Variants in AGO4 observed in about 807,000 individuals in gnomAD.
AGO4 encodes the protein protein argonaute-4.
In AGO4, 33 loss-of-function variants were observed where a neutral mutation model predicts 104.7. The observed-to-expected ratio is 0.32, with a 90% CI of 0.24 to 0.42. The LOEUF is 0.42. Among genes scored for constraint, AGO4 ranks in the 10% least tolerant of loss-of-function variants. The pLI is 1.00. For synonymous variants in AGO4, 331 were observed against 364.7 expected (o/e 0.91, Z 1.05); for missense variants, 711 against 1,083.4 (o/e 0.66, Z 4.83).
chr1:35,852,081 A>T (rs1360778263), intron 17 of AGO4, among the ~76,000 whole-genome samples: 1 of 152,224 alleles, frequency 6.6e-6, no homozygotes, highest in Admixed American at 6.5e-5. Flanking sequence ...AAGGGACACA[A>T]AGGGGAAAAA....
At position 35,831,941 on chromosome 1, in the gene AGO4, G is replaced by C. The variant is rs200795748; in HGVS notation, c.1116+10G>C. 5.0e-6 allele frequency: 8 copies of C among 1,612,984 alleles called. No homozygotes were observed. The Admixed American group carries it at 1.3e-4, about 27-fold the overall frequency. ...AGAGATCAGTAGACTGGTCAGTAAG[G>C]CATGGTCTTCAAGATGAGCTAGCTT... On this transcript the variant is annotated intron_variant, in intron 9 of 17. Transcript: ENST00000373210.
At chr1:35,818,706 G>GGAAGGAAGGAAAC (rs1643810763) in intron 2 of AGO4, among the ~76,000 whole-genome samples, 7 of 151,546 alleles carry the variant, frequency 4.6e-5, no homozygotes, top group African/African-American at 1.7e-4. Context: ...AGGAAGGAAA[G>GGAAGGAAGGAAAC]AAACAAACAG....
At chr1:35,833,284 A>C (rs1240651712) in intron 11 of AGO4, among the ~76,000 whole-genome samples, 3 of 152,174 alleles carry the variant, frequency 2.0e-5, no homozygotes, top group Non-Finnish European at 2.9e-5. Flanking sequence ...TCTCAAAAAA[A>C]TAAAAATAAA....
intron 1 of AGO4, among the ~76,000 whole-genome samples, chr1:35,813,063 A>T (rs1643561266): frequency 6.6e-6 from 1 of 152,106 alleles, no homozygotes. Context: ...TATCAATTGT[A>T]TTGATAGGTC....
intron 2 of AGO4, among the ~76,000 whole-genome samples, chr1:35,818,703 A>AAGG (rs1453823024): frequency 2.6e-4 from 39 of 151,616 alleles, no homozygotes; most frequent in African/African-American, 9.2e-4. Flanking sequence ...GGAAGGAAGG[A>AAGG]AAGAAACAAA....
At chr1:35,820,825 A>C (rs1453173494) in intron 2 of AGO4, among the ~76,000 whole-genome samples, 1 of 152,206 alleles carries the variant, frequency 6.6e-6, no homozygotes, top group Non-Finnish European at 1.5e-5. Context: ...TGGGACAAGC[A>C]CCATTCTAAA....
chr1:35,828,223 T>C (rs1420313779), intron 7 of AGO4, among the ~76,000 whole-genome samples: 1 of 152,128 alleles, frequency 6.6e-6, no homozygotes, highest in Non-Finnish European at 1.5e-5. Flanking sequence ...GGCACCGTCA[T>C]GGCCCACTGC....
intron 3 of AGO4, among the ~76,000 whole-genome samples, chr1:35,824,790 G>A (rs1643971289): frequency 6.6e-6 from 1 of 152,008 alleles, no homozygotes; most frequent in African/African-American, 2.4e-5. Flanking sequence ...GACAGAGCAG[G>A]ACCCTGTCTC....
intron 7 of AGO4, among the ~76,000 whole-genome samples, chr1:35,827,536 G>T (rs1223969318): frequency 2.0e-5 from 3 of 151,994 alleles, no homozygotes; most frequent in Non-Finnish European, 2.9e-5. Context: ...AAAAAAGAAA[G>T]AAATTGGTTA....
At chr1:35,813,307 G>A (rs553725682) in intron 1 of AGO4, among the ~76,000 whole-genome samples, 125 of 152,132 alleles carry the variant, frequency 8.2e-4, no homozygotes, top group South Asian at 6.2e-4. Flanking sequence ...TGCTGGGGAG[G>A]CTGAGGCAGG....
chr1:35,831,496 T>C lies in AGO4; in HGVS notation c.918T>C (p.Tyr306=), dbSNP rs1644184747. 3 of 1,614,180 alleles carry C rather than the reference T, an allele frequency of 1.9e-6. No individual in the cohort carries two copies. Among genetic ancestry groups the C allele is most frequent in the Admixed American group, 1.7e-5 (1 of 60,014 alleles). The change falls in exon 8 of 18, where the codon TAT becomes TAC. Residue 306 remains tyrosine, a synonymous_variant. Transcript: ENST00000373210. The part of the protein sequence containing the change: ...CTVAQYFKQK[Y]SLQLKYPHLP... ...TAGCTCAATATTTTAAGCAAAAGTA[T>C]AGTCTGCAACTGAAATACCCCCATC... is the stretch of plus-strand genomic sequence containing the variant.
chr1:35,826,645 T>G, intron 6 of AGO4, 103 bp from the exon 7 acceptor site: 1 of 1,056,606 alleles, frequency 9.5e-7, no homozygotes, highest in Non-Finnish European at 1.4e-6. Context: ...CTTGCAATTT[T>G]TATCCTGTAC....
Position 35,841,671 on chromosome 1 carries a change from A to C in AGO4, c.2096A>C (p.Asp699Ala), listed in dbSNP as rs145609935. 1 of 1,614,060 alleles carries C rather than the reference A, an allele frequency of 6.2e-7. No homozygotes were observed. The highest frequency in any genetic ancestry group is 8.5e-7 in the Non-Finnish European group (1 of 1,179,998). ...IRKACISLEE[D>A]YRPGITYIVV... The stretch of plus-strand genomic sequence containing the variant: ...AAGGCATGTATTAGCTTGGAAGAAG[A>C]TTACCGGCCAGGAATAACTTATATT... Residue 699 changes from aspartate to alanine, a missense_variant, in exon 15 of 18, where the codon GAT becomes GCT. Physicochemically the swap from Asp to Ala is moderately radical, Grantham distance 126. Around this residue, in one of 3 missense-constraint regions of AGO4, gnomAD observed 401 missense variants for 665.5 expected, o/e 0.60. Coordinates refer to ENST00000373210, the MANE Select transcript of AGO4 (RefSeq NM_017629.4). The surrounding 1 kb of genome is among the most constrained non-coding windows in gnomAD (Gnocchi z 4.7).
intron 11 of AGO4, 140 bp downstream of exon 11, chr1:35,832,710 G>C (rs1644213889): frequency 8.9e-7 from 1 of 1,122,404 alleles, no homozygotes; most frequent in South Asian, 2.8e-5. Context: ...AAAAGACCTT[G>C]TATTATAGTA....
Position 35,826,013 on chromosome 1 carries a change from A to C in AGO4, c.713A>C (p.Lys238Thr). ...ATTCAGAACATCAATGAACAGACCAAACCTCTAACAGACTCCCAGCGTGTC... is the reference window on the plus strand; with the variant it reads ...ATTCAGAACATCAATGAACAGACCACACCTCTAACAGACTCCCAGCGTGTC... ...LDIQNINEQT[K>T]PLTDSQRVKF... The change falls in exon 6 of 18, where the codon AAA becomes ACA. Residue 238 changes from lysine to threonine, a missense_variant. This residue lies in a region of AGO4 where 308 missense variants were observed against 397.8 expected (regional missense o/e 0.77). Coordinates refer to ENST00000373210, the MANE Select transcript of AGO4 (RefSeq NM_017629.4). 1 of 1,614,168 alleles carries C rather than the reference A, an allele frequency of 6.2e-7. No individual in the cohort carries two copies. The highest frequency in any genetic ancestry group is 8.5e-7 in the Non-Finnish European group (1 of 1,180,030).
At chr1:35,810,036 T>TG (rs138216474) in intron 1 of AGO4, among the ~76,000 whole-genome samples, 15,484 of 151,906 alleles carry the variant, frequency 0.1, 1,262 homozygotes, top group African/African-American at 0.23. Flanking sequence ...TCTTTTTTTT[T>TG]TTTGTTTTGA....
rs778317593 is a variant in AGO4 at position 35,832,080 on chromosome 1, T to C, written c.1140T>C (p.Gly380=). 6 of 1,613,688 alleles carry C rather than the reference T, an allele frequency of 3.7e-6. No homozygotes were observed. The Admixed American group carries it at 1.0e-4, about 27-fold the overall frequency. Residue 380 remains glycine, a synonymous_variant, in exon 10 of 18, where the codon GGT becomes GGC. Coordinates refer to ENST00000373210, the MANE Select transcript of AGO4 (RefSeq NM_017629.4). ...AGGTGAAGAGCAACAGTATGGTGGGTGGACCTGATCCATACCTTAAAGAAT... is the reference window on the plus strand; with the variant it reads ...AGGTGAAGAGCAACAGTATGGTGGGCGGACCTGATCCATACCTTAAAGAAT... ...SRLVKSNSMV[G]GPDPYLKEFG...
At chr1:35,828,898 T>C (rs556721314) in intron 7 of AGO4, among the ~76,000 whole-genome samples, 1 of 152,336 alleles carries the variant, frequency 6.6e-6, no homozygotes, top group Admixed American at 6.5e-5. Context: ...AAAAATTATA[T>C]CTGTATCTTA....
chr1:35,829,309 G>GAA (rs763135799), intron 7 of AGO4, among the ~76,000 whole-genome samples: 35 of 113,132 alleles, frequency 3.1e-4, no homozygotes, highest in African/African-American at 9.1e-4. Context: ...TTCTTTCTCA[G>GAA]AAAAAAAAAA....
Sources: allele counts gnomAD v4.1 joint callset (sites outside exome capture counted in the v4.1 genomes callset), GRCh38; gene constraint gnomAD v4.1.1; regional missense constraint gnomAD v4.1.1; non-coding constraint Gnocchi (gnomAD v3.1); transcripts MANE v1.5; gene names NCBI Gene and HGNC (gene_info 2026-07-23, HGNC 2026-07-21).